The following MRPL34 variants were observed in gnomAD, a reference collection of about 807,000 sequenced individuals.
MRPL34 encodes the protein large ribosomal subunit protein bL34m.
In MRPL34, 8 loss-of-function variants were observed where a neutral mutation model predicts 6.7. That is an observed-to-expected ratio of 1.20 (90% CI 0.70 to 2.16). The LOEUF is 2.16. Among genes scored for constraint, MRPL34 ranks in the 30% most tolerant of loss-of-function variants. MRPL34 has a pLI of 0.00. For missense variants in MRPL34, 146 were observed against 125.5 expected (o/e 1.16, Z -0.78); for synonymous variants, 59 against 55.1 (o/e 1.07, Z -0.31).
chr19:17,300,321 C>T (rs2074111683), upstream of MRPL34, among the ~76,000 whole-genome samples: 1 of 151,450 alleles, frequency 6.6e-6, no homozygotes, highest in Non-Finnish European at 1.5e-5. Context: ...TCTCCTGCCT[C>T]AGCCCTTAAG....
chr19:17,299,087 C>T (rs892875157), upstream of MRPL34, among the ~76,000 whole-genome samples: 7 of 152,042 alleles, frequency 4.6e-5, no homozygotes, highest in Non-Finnish European at 1.0e-4. Context: ...TCAGTGATGA[C>T]GGAAATCCCT....
chr19:17,295,712 TG>T (rs1413663978), intron 1 of MRPL34, among the ~76,000 whole-genome samples: 1 of 151,828 alleles, frequency 6.6e-6, no homozygotes, highest in Admixed American at 6.6e-5. Flanking sequence ...TGGCCTGTTT[TG>T]TTTTTGTTTT....
At position 17,306,257 on chromosome 19, in the gene MRPL34, T is replaced by G; in HGVS notation, c.157T>G (p.Tyr53Asp). 1 of 1,598,466 alleles carries G rather than the reference T, an allele frequency of 6.3e-7. No individual in the cohort carries two copies. Among genetic ancestry groups the G allele is most frequent in the Non-Finnish European group, 8.5e-7 (1 of 1,173,484 alleles). The change falls in exon 2 of 2, where the codon TAT (tyrosine) becomes GAT (aspartate). Residue 53 changes from tyrosine (Y) to aspartate (D), a missense_variant. Transcript: ENST00000252602. ...CCGGGGCAAGGCTCGCGGGAATGAG[T>G]ATCAGCCGAGCAACATCAAACGCAA... ...QARGKARGNE[Y>D]QPSNIKRKNK...
At chr19:17,304,039 ATCC>A (rs1041957969), upstream of MRPL34, among the ~76,000 whole-genome samples, 3 of 151,954 alleles carry the variant, frequency 2.0e-5, no homozygotes, top group African/African-American at 7.3e-5. Flanking sequence ...GCATCAAGCA[ATCC>A]TCTCGTCTAC....
chr19:17,301,903 C>A (rs2074121893), upstream of MRPL34, among the ~76,000 whole-genome samples: 1 of 152,134 alleles, frequency 6.6e-6, no homozygotes, highest in African/African-American at 2.4e-5. Flanking sequence ...AAGCGATTCT[C>A]TTGCCTCAGC....
upstream of MRPL34, among the ~76,000 whole-genome samples, chr19:17,299,986 G>A (rs983611292): frequency 6.7e-6 from 1 of 149,488 alleles, no homozygotes; most frequent in Non-Finnish European, 1.5e-5. Flanking sequence ...CTCACTGCAA[G>A]CTCCGTCTCC....
upstream of MRPL34, chr19:17,301,200 G>A (rs749764203): frequency 2.1e-5 from 33 of 1,602,260 alleles, no homozygotes; most frequent in South Asian, 3.3e-5. Flanking sequence ...CACTGCCGCT[G>A]CCGCTGCCTG....
intron 1 of MRPL34, among the ~76,000 whole-genome samples, chr19:17,297,546 G>T (rs531230363): frequency 6.6e-6 from 1 of 151,906 alleles, no homozygotes; most frequent in Non-Finnish European, 1.5e-5. Context: ...CGCCTGCCTC[G>T]GCCTCCAAAA....
At chr19:17,301,664 A>G (rs762989608), upstream of MRPL34, 3 of 1,503,980 alleles carry the variant, frequency 2.0e-6, no homozygotes, top group East Asian at 2.3e-5. Context: ...TGCTGTCTCA[A>G]TGAGAACCCT....
At chr19:17,294,966 C>A in intron 1 of MRPL34, 9 of 1,261,720 alleles carry the variant, frequency 7.1e-6, no homozygotes, top group Non-Finnish European at 9.8e-6. Context: ...CTCTGTCCCC[C>A]AGGCTGGAAT....
At chr19:17,299,925 A>C, upstream of MRPL34, among the ~76,000 whole-genome samples, 1 of 147,650 alleles carries the variant, frequency 6.8e-6, no homozygotes, top group African/African-American at 2.5e-5. Context: ...TTCATGACGG[A>C]GTCTCCTTCT....
At chr19:17,298,705 A>G (rs1489318320), upstream of MRPL34, among the ~76,000 whole-genome samples, 1 of 151,158 alleles carries the variant, frequency 6.6e-6, no homozygotes. Flanking sequence ...ACCTGGCCAA[A>G]CACGATAGTG....
In MRPL34 at chr19:17,306,253, T is replaced by A; in HGVS notation, c.153T>A (p.Asn51Lys). The A allele has an allele frequency of 6.3e-7, 1 of 1,596,334 alleles. No homozygotes were observed. Among genetic ancestry groups the A allele is most frequent in the Non-Finnish European group, 8.5e-7 (1 of 1,172,298 alleles). Residue 51 changes from asparagine (N) to lysine (K), a missense_variant, in exon 2 of 2, where the codon AAT becomes AAA. By Grantham distance (94) the Asn-to-Lys change is moderately conservative (BLOSUM62 0). Transcript: ENST00000252602. ...AGGCCCGGGGCAAGGCTCGCGGGAA[T>A]GAGTATCAGCCGAGCAACATCAAAC... Reference protein sequence around the residue: ...PQQARGKARGNEYQPSNIKRK... With the variant: ...PQQARGKARGKEYQPSNIKRK...
At chr19:17,300,635 G>A (rs144903901), upstream of MRPL34, among the ~76,000 whole-genome samples, 288 of 152,236 alleles carry the variant, frequency 1.9e-3, 1 homozygote, top group African/African-American at 6.7e-3. Context: ...GTGCCACCAC[G>A]TCTGGCTAAT....
At chr19:17,300,949 G>A (rs1217231353), upstream of MRPL34, 2 of 1,613,416 alleles carry the variant, frequency 1.2e-6, no homozygotes, top group African/African-American at 2.7e-5. Flanking sequence ...GGTGTAGGCT[G>A]CGGCCACCTG....
upstream of MRPL34, chr19:17,305,716 A>G (rs1284656187): frequency 1.2e-5 from 8 of 692,790 alleles, no homozygotes; most frequent in Admixed American, 1.5e-4. Context: ...CCCCGCGGAT[A>G]TAGACTGGCG....
intron 1 of MRPL34, among the ~76,000 whole-genome samples, chr19:17,293,098 C>CTTTTTTT (rs71334701): frequency 7.4e-6 from 1 of 136,010 alleles, no homozygotes; most frequent in African/African-American, 2.7e-5. Flanking sequence ...TCTTTTCTTT[C>CTTTTTTT]TTTTTTTTTT....
upstream of MRPL34, chr19:17,305,556 A>C: frequency 3.4e-6 from 1 of 292,960 alleles, no homozygotes; most frequent in Non-Finnish European, 6.6e-6. Context: ...GCGCCCGGCC[A>C]CCGCGGGGCA....
upstream of MRPL34, among the ~76,000 whole-genome samples, chr19:17,299,732 T>G (rs1485429769): frequency 6.6e-6 from 1 of 151,646 alleles, no homozygotes; most frequent in East Asian, 1.9e-4. Flanking sequence ...ATTTTAAAAA[T>G]GTAAAAATTA....
Sources: allele counts gnomAD v4.1 joint callset (sites outside exome capture counted in the v4.1 genomes callset), GRCh38; gene constraint gnomAD v4.1.1; transcripts MANE v1.5; gene names NCBI Gene and HGNC (gene_info 2026-07-23, HGNC 2026-07-21).